Variants in VEPH1 observed in about 807,000 individuals in gnomAD.
The protein encoded by VEPH1 is ventricular zone-expressed PH domain-containing protein homolog 1.
In VEPH1, 80 loss-of-function variants were observed where a neutral mutation model predicts 85.2. The observed-to-expected ratio is 0.94, with a 90% CI of 0.78 to 1.13. The LOEUF is 1.13. VEPH1 is among the 50% of genes most tolerant of loss of function. The pLI is 0.00. For missense variants in VEPH1, 955 were observed against 980.5 expected (o/e 0.97, Z 0.35); for synonymous variants, 297 against 348.0 (o/e 0.85, Z 1.63).
At chr3:157,365,283 C>T (rs1426863223) in intron 7 of VEPH1, among the ~76,000 whole-genome samples, 2 of 152,174 alleles carry the variant, frequency 1.3e-5, no homozygotes, top group Admixed American at 6.5e-5. Context: ...TATTTATCTT[C>T]TAATACTGAG....
Position 157,313,698 on chromosome 3 carries a change from G to C in VEPH1, c.1933C>G (p.Leu645Val). Reference protein sequence around the residue: ...QSHSVQFLRALWEKTQAGGAH... With the variant: ...QSHSVQFLRAVWEKTQAGGAH... ...CCCCCTGCCTGGGTCTTCTCCCACA[G>C]AGCTCTGAGGAATTGCACAGAATGA... The change falls in exon 11 of 14, where the codon CTG (leucine) becomes GTG (valine). Residue 645 changes from leucine to valine, a missense_variant. Physicochemically the swap from Leu to Val is conservative, Grantham distance 32. Transcript: ENST00000362010. 2 of 1,614,142 alleles carry C rather than the reference G, an allele frequency of 1.2e-6. No individual in the cohort carries two copies. The highest frequency in any genetic ancestry group is 4.5e-5 in the East Asian group (2 of 44,872).
At chr3:157,455,742 C>A (rs1735321089) in intron 4 of VEPH1, among the ~76,000 whole-genome samples, 1 of 152,176 alleles carries the variant, frequency 6.6e-6, no homozygotes, top group South Asian at 2.1e-4. Context: ...CAAGTTCCTG[C>A]AAAGGACATG....
intron 6 of VEPH1, among the ~76,000 whole-genome samples, chr3:157,398,744 G>C (rs1028753199): frequency 6.6e-6 from 1 of 151,976 alleles, no homozygotes; most frequent in African/African-American, 2.4e-5. Flanking sequence ...AAAGGCTCCC[G>C]ACAGCATCCC....
At chr3:157,323,368 C>T (rs923727246) in intron 9 of VEPH1, among the ~76,000 whole-genome samples, 2 of 152,148 alleles carry the variant, frequency 1.3e-5, no homozygotes, top group African/African-American at 4.8e-5. Context: ...AGAAGGTGTT[C>T]AGAAGTGTGA....
intron 7 of VEPH1, among the ~76,000 whole-genome samples, chr3:157,371,614 C>T (rs913550482): frequency 3.3e-5 from 5 of 152,130 alleles, no homozygotes; most frequent in Non-Finnish European, 1.5e-5. Context: ...TCCAGTGACA[C>T]GTTCAAATTT....
At chr3:157,479,524 C>G (rs1017511098) in intron 2 of VEPH1, among the ~76,000 whole-genome samples, 2 of 152,110 alleles carry the variant, frequency 1.3e-5, no homozygotes, top group African/African-American at 2.4e-5. Context: ...GAGGGAATAC[C>G]TCAGATAAAG....
chr3:157,266,723 G>A (rs1463231570), intron 12 of VEPH1, among the ~76,000 whole-genome samples: 2 of 152,144 alleles, frequency 1.3e-5, no homozygotes, highest in Non-Finnish European at 2.9e-5. Context: ...GAGTTTAGAC[G>A]CTGAACTGAA....
intron 1 of VEPH1, among the ~76,000 whole-genome samples, chr3:157,500,895 G>A (rs1227344531): frequency 6.6e-6 from 1 of 152,128 alleles, no homozygotes; most frequent in African/African-American, 2.4e-5. Flanking sequence ...TAGACTCCCT[G>A]AGCCTGGAAT....
At chr3:157,474,332 T>A (rs1288674444) in intron 2 of VEPH1, among the ~76,000 whole-genome samples, 1 of 152,182 alleles carries the variant, frequency 6.6e-6, no homozygotes, top group African/African-American at 2.4e-5. Flanking sequence ...ACAAAGTGCC[T>A]TTATTTTACT....
intron 2 of VEPH1, among the ~76,000 whole-genome samples, chr3:157,491,398 T>A (rs1739200102): frequency 6.6e-6 from 1 of 152,158 alleles, no homozygotes; most frequent in African/African-American, 2.4e-5. Context: ...TACAAGTGAT[T>A]ATCAGGTAAA....
chr3:157,495,242 C>A lies in VEPH1; in HGVS notation c.108G>T (p.Leu36Phe). ...SEIEDSLTEA[L>F]EQIKIISSSS... is the part of the protein sequence containing the mutation. Reference sequence around the variant, plus strand: ...ATGAGCTAATTATCTTAATTTGCTCCAAAGCTTCTGTAAGGCTGTCTTCAA... The same window carrying A: ...ATGAGCTAATTATCTTAATTTGCTCAAAAGCTTCTGTAAGGCTGTCTTCAA... The change falls in exon 2 of 14, where the codon TTG becomes TTT. Residue 36 changes from leucine (L) to phenylalanine (F), a missense_variant. Transcript: ENST00000362010. 3 of 1,613,852 alleles carry A rather than the reference C, an allele frequency of 1.9e-6. No individual in the cohort carries two copies. Among genetic ancestry groups the A allele is most frequent in the Non-Finnish European group, 2.5e-6 (3 of 1,179,864 alleles).
chr3:157,428,579 A>G (rs1051213489), intron 4 of VEPH1, 91 bp from the exon 5 acceptor site: 84 of 1,295,890 alleles, frequency 6.5e-5, no homozygotes, highest in Admixed American at 2.1e-4. Context: ...ATTTGCACTT[A>G]CACATTAAAT....
At chr3:157,301,337 T>G (rs374841046) in intron 11 of VEPH1, among the ~76,000 whole-genome samples, 17 of 152,294 alleles carry the variant, frequency 1.1e-4, no homozygotes, top group African/African-American at 4.1e-4. Flanking sequence ...AATCCATCAT[T>G]TTCTTCACTC....
chr3:157,437,969 G>C (rs1220173027), intron 4 of VEPH1: 8 of 1,508,636 alleles, frequency 5.3e-6, no homozygotes, highest in Non-Finnish European at 8.8e-7. Context: ...CCGGGAGCGC[G>C]CGTAACGGCA....
At chr3:157,378,306 GTATATATATATA>G (rs56800722) in intron 7 of VEPH1, among the ~76,000 whole-genome samples, 2,060 of 94,160 alleles carry the variant, frequency 0.022, 22 homozygotes, top group African/African-American at 0.035. Context: ...TTTTTGAATG[GTATATATATATA>G]TATATATATA....
Position 157,332,377 on chromosome 3 carries a change from G to A in VEPH1, c.1736-15176C>T, listed in dbSNP as rs147558556. Among the ~76,000 whole-genome samples, 5 of 152,128 alleles carry A rather than the reference G, an allele frequency of 3.3e-5. No homozygotes were observed. In the East Asian group the frequency reaches 5.8e-4, roughly 18 times the overall value. On this transcript the variant is annotated intron_variant, in intron 9 of 13. Coordinates refer to ENST00000362010, the MANE Select transcript of VEPH1 (RefSeq NM_001167912.2). ...CACCCTAAATGGAACCCCCACATCT[G>A]TTAAGCAATTATTCTTCATTTCCCC...
intron 9 of VEPH1, among the ~76,000 whole-genome samples, chr3:157,358,520 A>T (rs1370941327): frequency 6.6e-6 from 1 of 152,222 alleles, no homozygotes; most frequent in Non-Finnish European, 1.5e-5. Context: ...TAAAAAATAA[A>T]AAAGAAACCT....
intron 12 of VEPH1, among the ~76,000 whole-genome samples, chr3:157,271,135 A>G (rs1225099319): frequency 6.6e-6 from 1 of 152,158 alleles, no homozygotes; most frequent in East Asian, 1.9e-4. Flanking sequence ...GGGTGAAGGG[A>G]GAAGTCAATT....
intron 3 of VEPH1, among the ~76,000 whole-genome samples, chr3:157,465,607 C>A (rs1259420683): frequency 2.0e-5 from 3 of 152,156 alleles, no homozygotes; most frequent in African/African-American, 7.2e-5. Context: ...CATAACCAGT[C>A]CCATCTCTAA....
Sources: allele counts gnomAD v4.1 joint callset (sites outside exome capture counted in the v4.1 genomes callset), GRCh38; gene constraint gnomAD v4.1.1; transcripts MANE v1.5; gene names NCBI Gene and HGNC (gene_info 2026-07-23, HGNC 2026-07-21).